GBE1: variants seen among roughly 807,000 people sequenced by gnomAD.
The protein encoded by GBE1 is 1,4-alpha-glucan branching enzyme 1, also known as 1,4-alpha-glucan-branching enzyme.
GBE1 carries 70 observed loss-of-function variants against 88.8 expected under a neutral mutation model. That is an observed-to-expected ratio of 0.79 (90% CI 0.65 to 0.96). The LOEUF (loss-of-function observed/expected upper bound fraction) is 0.96. GBE1 is among the 40% of genes least tolerant of loss of function. GBE1 has a pLI of 0.00. For missense variants in GBE1, 872 were observed against 871.0 expected (o/e 1.00, Z -0.01); for synonymous variants, 284 against 300.1 (o/e 0.95, Z 0.56).
At chr3:81,631,823 C>A (rs146667117) in intron 7 of GBE1, among the ~76,000 whole-genome samples, 9 of 151,268 alleles carry the variant, frequency 5.9e-5, no homozygotes, top group African/African-American at 1.7e-4. Context: ...TTTTATTATA[C>A]TTTAAGTTCT....
intron 7 of GBE1, among the ~76,000 whole-genome samples, chr3:81,595,208 G>T (rs578148282): frequency 1.3e-5 from 2 of 151,250 alleles, no homozygotes. Context: ...TTAAGGTTAA[G>T]CAACCTTGAA....
intron 14 of GBE1, among the ~76,000 whole-genome samples, chr3:81,514,037 G>A (rs749845925): frequency 6.6e-6 from 1 of 151,550 alleles, no homozygotes; most frequent in Non-Finnish European, 1.5e-5. Flanking sequence ...GAGCCAATGG[G>A]AAATAAAAAT....
chr3:81,582,107 T>A (rs1484069743), intron 10 of GBE1, among the ~76,000 whole-genome samples: 2 of 152,036 alleles, frequency 1.3e-5, no homozygotes, highest in East Asian at 1.9e-4. Context: ...CAGGATTATG[T>A]CCTAAATTTA....
At chr3:81,616,688 C>A (rs1704252622) in intron 7 of GBE1, among the ~76,000 whole-genome samples, 1 of 152,030 alleles carries the variant, frequency 6.6e-6, no homozygotes, top group Admixed American at 6.6e-5. Context: ...GTTTGTCTTA[C>A]CATATAATTT....
intron 3 of GBE1, among the ~76,000 whole-genome samples, chr3:81,656,051 C>G (rs1355255983): frequency 1.3e-5 from 2 of 152,144 alleles, no homozygotes; most frequent in East Asian, 3.8e-4. Flanking sequence ...CTTGTCATTT[C>G]TGCTGAGCCA....
chr3:81,761,371 G>C lies in GBE1; in HGVS notation c.143+4C>G. The C allele has an allele frequency of 1.2e-6, 2 of 1,605,548 alleles. No homozygotes were observed. The highest frequency in any genetic ancestry group is 1.7e-6 in the Non-Finnish European group (2 of 1,174,184). On this transcript the variant is annotated splice_donor_region_variant and intron_variant, in intron 1 of 15. Transcript: ENST00000429644. The stretch of plus-strand genomic sequence containing the variant: ...AAGTGGGGGTGGTGGGATTCCGGCG[G>C]TACCTGCGCTGGAAGTCCACGGCGT...
chr3:81,606,468 T>C (rs1283981101), intron 7 of GBE1, among the ~76,000 whole-genome samples: 1 of 152,262 alleles, frequency 6.6e-6, no homozygotes, highest in Non-Finnish European at 1.5e-5. Flanking sequence ...CCCTGCGCTA[T>C]TTAACACAGT....
At chr3:81,571,008 T>C (rs1286477459) in intron 12 of GBE1, among the ~76,000 whole-genome samples, 1 of 152,140 alleles carries the variant, frequency 6.6e-6, no homozygotes, top group Non-Finnish European at 1.5e-5. Flanking sequence ...CAAGACAGTA[T>C]ACACTCAGGA....
intron 2 of GBE1, among the ~76,000 whole-genome samples, chr3:81,680,494 CA>C (rs10711455): frequency 0.47 from 44,146 of 94,576 alleles, 5,592 homozygotes; most frequent in East Asian, 0.53. Flanking sequence ...GACTCCGTCT[CA>C]AAAAAAAAAA....
In GBE1 at chr3:81,677,398, A is replaced by G. The variant is rs75719123; in HGVS notation, c.314-6445T>C. ...TGAAAGGATATCCTCGGGTCAAAAC[A>G]GTTGTTAAATATCTGGAATATCACC... On this transcript the variant is annotated intron_variant, in intron 2 of 15. Coordinates refer to ENST00000429644, the MANE Select transcript of GBE1 (RefSeq NM_000158.4). 4.6e-5 allele frequency among the ~76,000 whole-genome samples: 7 copies of G among 152,334 alleles called. No individual in the cohort carries two copies. In the East Asian group the frequency reaches 1.2e-3, roughly 25 times the overall value.
intron 11 of GBE1, among the ~76,000 whole-genome samples, chr3:81,578,544 T>G (rs1159585529): frequency 2.0e-5 from 3 of 151,182 alleles, no homozygotes; most frequent in African/African-American, 7.3e-5. Context: ...TATATATGAG[T>G]AATATAATAT....
chr3:81,726,020 T>C (rs1336500445), intron 1 of GBE1, among the ~76,000 whole-genome samples: 1 of 151,882 alleles, frequency 6.6e-6, no homozygotes, highest in Non-Finnish European at 1.5e-5. Flanking sequence ...TTCTTCTTAA[T>C]AAAGGTTACT....
intron 7 of GBE1, among the ~76,000 whole-genome samples, chr3:81,621,002 C>T (rs1457018182): frequency 6.6e-6 from 1 of 152,174 alleles, no homozygotes. Context: ...ACGCTCTCAG[C>T]AAGAAGGACC....
chr3:81,541,774 T>G (rs1263299903), intron 12 of GBE1, among the ~76,000 whole-genome samples: 7 of 152,060 alleles, frequency 4.6e-5, no homozygotes, highest in African/African-American at 1.7e-4. Flanking sequence ...TATGGTGGTT[T>G]GTTATAGCAG....
intron 2 of GBE1, among the ~76,000 whole-genome samples, chr3:81,692,584 A>T (rs1242603258): frequency 6.6e-6 from 1 of 152,190 alleles, no homozygotes; most frequent in Non-Finnish European, 1.5e-5. Flanking sequence ...TCAAGAAAAA[A>T]GTGAACCATA....
intron 14 of GBE1, among the ~76,000 whole-genome samples, chr3:81,503,448 A>G (rs575482753): frequency 2.0e-5 from 3 of 152,160 alleles, no homozygotes; most frequent in Non-Finnish European, 4.4e-5. Flanking sequence ...ATTAACCCGG[A>G]GGTTGTAAAC....
At chr3:81,550,279 T>G (rs1199991277) in intron 12 of GBE1, among the ~76,000 whole-genome samples, 1 of 151,480 alleles carries the variant, frequency 6.6e-6, no homozygotes, top group East Asian at 1.9e-4. Flanking sequence ...CACCTTTTTT[T>G]CAGCACTCAA....
chr3:81,624,830 T>G (rs1383629703), intron 7 of GBE1, among the ~76,000 whole-genome samples: 1 of 152,156 alleles, frequency 6.6e-6, no homozygotes. Flanking sequence ...AAGAACCAAG[T>G]CTCCTTCTGG....
chr3:81,627,815 T>C (rs933689750), intron 7 of GBE1, among the ~76,000 whole-genome samples: 1 of 151,454 alleles, frequency 6.6e-6, no homozygotes, highest in African/African-American at 2.4e-5. Context: ...ATTTTCACTT[T>C]GTCACCCAGG....
Sources: gnomAD v4.1 joint callset for allele counts (sites outside exome capture counted in the v4.1 genomes callset) on GRCh38, gnomAD v4.1.1 for gene constraint, MANE v1.5 for transcripts, NCBI Gene and HGNC (gene_info 2026-07-23, HGNC 2026-07-21) for gene names.